The following ZNF37A variants were observed in gnomAD, a reference collection of about 807,000 sequenced individuals.
The protein encoded by ZNF37A is zinc finger protein 37a (KOX 21).
ZNF37A carries 10 observed loss-of-function variants against 12.3 expected under a neutral mutation model. The ratio of observed to expected loss-of-function variants is 0.82; its 90% CI spans 0.50 to 1.38. The LOEUF (loss-of-function observed/expected upper bound fraction) is 1.38. ZNF37A is among the 40% of genes most tolerant of loss of function. The probability of loss-of-function intolerance (pLI) is 0.00; values close to 1 mark genes in which losing one functional copy is unlikely to be tolerated. For missense variants in ZNF37A, 580 were observed against 651.2 expected (o/e 0.89, Z 1.19); for synonymous variants, 207 against 223.0 (o/e 0.93, Z 0.64).
chr10:38,097,219 G>A (rs111363585), intron 5 of ZNF37A, among the ~76,000 whole-genome samples: 1,800 of 152,250 alleles, frequency 0.012, 14 homozygotes, highest in Non-Finnish European at 0.02. Context: ...GTAGTACAAC[G>A]AAGTGAATAA....
At chr10:38,141,601 A>G (rs1457056347) in intron 7 of ZNF37A, 2 of 152,200 alleles carry the variant, frequency 1.3e-5, no homozygotes, top group African/African-American at 4.8e-5. Context: ...ACCAATAATA[A>G]TAATAGAAAA....
rs2069789556 is a variant in ZNF37A, at chr10:38,122,874, G to A, written c.*4037G>A. 1 of 152,182 alleles carries A rather than the reference G, an allele frequency of 6.6e-6. No homozygotes were observed. Among genetic ancestry groups the A allele is most frequent in the Non-Finnish European group, 1.5e-5 (1 of 68,030 alleles). 9.4% of individuals were successfully genotyped at this position (152,182 alleles called of 1,614,324 possible). On this transcript the variant is annotated 3_prime_UTR_variant, in exon 8 of 8. Transcript: ENST00000685332. The stretch of plus-strand genomic sequence containing the variant: ...TGCATTGCAAAGGAAATAACAAAGT[G>A]AAGAGACAACCCATAGAATGTGAGA...
At position 38,114,888 on chromosome 10, in the gene ZNF37A, A is replaced by G; in HGVS notation, c.142+7A>G. On this transcript the variant is annotated splice_region_variant and intron_variant, in intron 6 of 7. Transcript: ENST00000685332. ...AGCCACCTTGTCTCAGTAGGTAGGT[A>G]GGAATTGTTTCCCATGTAGAAGGCC... 1 of 1,606,536 alleles carries G rather than the reference A, an allele frequency of 6.2e-7. No homozygotes were observed. Among genetic ancestry groups the G allele is most frequent in the Non-Finnish European group, 8.5e-7 (1 of 1,177,212 alleles).
At position 38,120,102 on chromosome 10, in the gene ZNF37A, T is replaced by C. The variant is rs961810714; in HGVS notation, c.*1265T>C. The C allele has an allele frequency of 2.0e-5, 3 of 152,182 alleles. No homozygotes were observed. Among genetic ancestry groups the C allele is most frequent in the Non-Finnish European group, 4.4e-5 (3 of 68,048 alleles). The allele number at this position is 152,182 out of a possible 1,614,324, so 9.4% of individuals were successfully genotyped here. A position where few individuals can be genotyped will look rare whatever the true frequency, so the allele number is the denominator to read the frequency against. ...AGGTGATACAACTTTTTAAAATGTATGTGTAGATATAACTTAAATATGGAG... is the reference window on the plus strand; with the variant it reads ...AGGTGATACAACTTTTTAAAATGTACGTGTAGATATAACTTAAATATGGAG... On this transcript the variant is annotated 3_prime_UTR_variant, in exon 8 of 8. Transcript: ENST00000685332.
At chr10:38,112,740 CTTTTCTTTTCTTTTCTTTTCTTTTCTTT>C (rs2068840510) in intron 5 of ZNF37A, among the ~76,000 whole-genome samples, 6 of 22,354 alleles carry the variant, frequency 2.7e-4, no homozygotes, top group African/African-American at 9.9e-4. Flanking sequence ...ATTTTCTTTT[CTTTTCTTTTCTTTTCTTTTCTTTTCTTT>C]TCTTTTCTTT....
chr10:38,108,092 A>G (rs1382043237), intron 5 of ZNF37A, among the ~76,000 whole-genome samples: 2 of 152,180 alleles, frequency 1.3e-5, no homozygotes, highest in Non-Finnish European at 2.9e-5. Context: ...AAAATTGACC[A>G]CATAATTGGA....
intron 5 of ZNF37A, among the ~76,000 whole-genome samples, chr10:38,101,015 C>G (rs1336691673): frequency 6.6e-6 from 1 of 152,136 alleles, no homozygotes; most frequent in African/African-American, 2.4e-5. Context: ...TGTTCAAGTC[C>G]TTTGTCCATC....
chr10:38,109,896 T>C (rs1186702866), intron 5 of ZNF37A, among the ~76,000 whole-genome samples: 1 of 152,194 alleles, frequency 6.6e-6, no homozygotes, highest in Non-Finnish European at 1.5e-5. Context: ...AGAATCAGTA[T>C]TGTGAAAATG....
rs2069871416 is a variant in ZNF37A, at chr10:38,124,233, CAGACATCATG to C, written c.*5397_*5406del. On this transcript the variant is annotated 3_prime_UTR_variant, in exon 8 of 8. Transcript: ENST00000685332. ...GTGAAATAAGCCAGGCACAGCAAGA[CAGACATCATG>C]TTCTGACGTATTTGTTGGAGCTAAA... 2.6e-5 allele frequency: 3 copies of C among 113,282 alleles called. No individual in the cohort carries two copies. Among genetic ancestry groups the C allele is most frequent in the Admixed American group, 1.9e-4 (2 of 10,706 alleles). 7.0% of individuals were successfully genotyped at this position (113,282 alleles called of 1,614,324 possible). A position where few individuals can be genotyped will look rare whatever the true frequency, so the allele number is the denominator to read the frequency against.
intron 6 of ZNF37A, 68 bp from the exon 7 acceptor site, chr10:38,115,127 G>A (rs1307760303): frequency 1.1e-5 from 13 of 1,220,830 alleles, no homozygotes; most frequent in Non-Finnish European, 1.5e-5. Flanking sequence ...ACTGTTTGGG[G>A]TATACTGTCT....
downstream of ZNF37A, among the ~76,000 whole-genome samples, chr10:38,129,032 G>T (rs1390943282): frequency 6.6e-6 from 1 of 151,996 alleles, no homozygotes; most frequent in South Asian, 2.1e-4. Context: ...GGTTACAAGC[G>T]TGAGCCACCG....
intron 7 of ZNF37A, among the ~76,000 whole-genome samples, chr10:38,146,226 G>T (rs1457160506): frequency 6.6e-6 from 1 of 152,242 alleles, no homozygotes; most frequent in African/African-American, 2.4e-5. Context: ...ATTTCCCTGC[G>T]ACTTAACAAC....
At position 38,118,389 on chromosome 10, in the gene ZNF37A, G is replaced by A; in HGVS notation, c.1238G>A (p.Cys413Tyr). The A allele has an allele frequency of 6.2e-7, 1 of 1,613,950 alleles. No individual in the cohort carries two copies. The change falls in exon 8 of 8, where the codon TGT becomes TAT. Residue 413 changes from cysteine (C) to tyrosine (Y), a missense_variant. By Grantham distance (194) the Cys-to-Tyr change is radical. Transcript: ENST00000685332. ...CACACAGGTGAAAAACCTTATGAAT[G>A]TAATGAATGTGGGAAGTCATTCTCT... ...RIHTGEKPYE[C>Y]NECGKSFSEK...
intron 7 of ZNF37A, chr10:38,141,209 TCC>T (rs2070177816): frequency 6.6e-6 from 1 of 152,216 alleles, no homozygotes; most frequent in East Asian, 1.9e-4. Flanking sequence ...AGTTTAATTT[TCC>T]TCTCCTTAAG....
In ZNF37A at chr10:38,140,868, CA is replaced by C. The variant is rs1489590487; in HGVS notation, c.239-5861del. ...CAAGGATGTGGCATGCGTCGTAATC[CA>C]AAGTAAAATATAAAGAGACGTGAGT... On this transcript the variant is annotated intron_variant, in intron 7 of 7. Transcript: ENST00000638053. The C allele has an allele frequency of 2.0e-5, 3 of 152,204 alleles. No individual in the cohort carries two copies. The East Asian group carries it at 5.8e-4, about 29-fold the overall frequency. The allele number at this position is 152,204 out of a possible 1,614,324, so 9.4% of individuals were successfully genotyped here.
chr10:38,112,957 G>A (rs2135991691), intron 5 of ZNF37A, among the ~76,000 whole-genome samples: 1 of 150,340 alleles, frequency 6.7e-6, no homozygotes, highest in East Asian at 2.0e-4. Context: ...ACAGGTGCCT[G>A]CCACCATGTC....
At chr10:38,147,809 G>A (rs2070273670) in exon 8 of ZNF37A, 1 of 152,162 alleles carries the variant, frequency 6.6e-6, no homozygotes. Flanking sequence ...GATGCCACAG[G>A]AAATCTTTTA....
chr10:38,139,196 T>G (rs1183406491), intron 7 of ZNF37A: 2 of 152,198 alleles, frequency 1.3e-5, no homozygotes, highest in African/African-American at 4.8e-5. Context: ...TTCCATTGAG[T>G]TCTGAGGACA....
Position 38,096,565 on chromosome 10 carries a change from A to G in ZNF37A, c.-44-9A>G. The G allele has an allele frequency of 6.3e-7, 1 of 1,593,616 alleles. No homozygotes were observed. Among genetic ancestry groups the G allele is most frequent in the Non-Finnish European group, 8.5e-7 (1 of 1,170,614 alleles). On this transcript the variant is annotated splice_polypyrimidine_tract_variant and intron_variant, in intron 4 of 7. Coordinates refer to ENST00000685332, the MANE Select transcript of ZNF37A (RefSeq NM_001324250.3). Reference sequence around the variant, plus strand: ...GTGACATCACTCATGATCTTTTCTTATTTCTCAGCTACACCCTCACAGTTT... The same window carrying G: ...GTGACATCACTCATGATCTTTTCTTGTTTCTCAGCTACACCCTCACAGTTT...
Sources: allele counts gnomAD v4.1 joint callset (sites outside exome capture counted in the v4.1 genomes callset), GRCh38; gene constraint gnomAD v4.1.1; transcripts MANE v1.5; gene names NCBI Gene and HGNC (gene_info 2026-07-23, HGNC 2026-07-21).